Variants in NRXN3 observed in about 807,000 individuals in gnomAD.
NRXN3 encodes the protein neurexin 3.
NRXN3 carries 32 observed loss-of-function variants against 137.6 expected under a neutral mutation model. That is an observed-to-expected ratio of 0.23 (90% CI 0.18 to 0.31). The LOEUF (loss-of-function observed/expected upper bound fraction) is 0.31. Ranked by LOEUF, NRXN3 falls within the 10% of genes least tolerant of loss-of-function variation. The pLI is 1.00. For synonymous variants in NRXN3, 798 were observed against 784.5 expected, an observed-to-expected ratio of 1.02 and a Z score of -0.29; for missense variants, 1,574 against 2,062.5, an observed-to-expected ratio of 0.76 and a Z score of 4.59.
At chr14:78,917,715 GATAGACAA>G (rs2099259317) in intron 10 of NRXN3, among the ~76,000 whole-genome samples, 3 of 152,058 alleles carry the variant, frequency 2.0e-5, no homozygotes, top group Admixed American at 2.0e-4. Flanking sequence ...GTGCACAGGT[GATAGACAA>G]AACTGGGGGA....
At chr14:79,136,804 G>A (rs970135798) in intron 15 of NRXN3, among the ~76,000 whole-genome samples, 32 of 152,144 alleles carry the variant, frequency 2.1e-4, no homozygotes, top group Admixed American at 1.3e-3. Flanking sequence ...AGGCAAAAAC[G>A]AACACTGTAA....
At chr14:79,631,598 C>T (rs561564371) in intron 16 of NRXN3, among the ~76,000 whole-genome samples, 37 of 152,368 alleles carry the variant, frequency 2.4e-4, no homozygotes, top group East Asian at 1.5e-3. Flanking sequence ...CCGGAGTGCC[C>T]GTGCTAGGTT....
intron 15 of NRXN3, among the ~76,000 whole-genome samples, chr14:79,295,357 G>A (rs1341920321): frequency 6.6e-6 from 1 of 151,754 alleles, no homozygotes; most frequent in Non-Finnish European, 1.5e-5. Flanking sequence ...AGTCTAAAAA[G>A]CACTCTTTTT....
chr14:78,634,007 A>G (rs2097545691), intron 4 of NRXN3, among the ~76,000 whole-genome samples: 1 of 152,148 alleles, frequency 6.6e-6, no homozygotes, highest in Non-Finnish European at 1.5e-5. Flanking sequence ...CAGGCTTCTC[A>G]ATGGGGATTT....
intron 8 of NRXN3, among the ~76,000 whole-genome samples, chr14:78,749,196 A>T (rs1472595326): frequency 6.6e-6 from 1 of 152,166 alleles, no homozygotes; most frequent in Non-Finnish European, 1.5e-5. Flanking sequence ...GGGCCTCCTG[A>T]TGGATGGACA....
chr14:78,725,895 A>G (rs11846885), intron 8 of NRXN3, among the ~76,000 whole-genome samples: 23,605 of 152,226 alleles, frequency 0.16, 2,071 homozygotes, highest in South Asian at 0.28. Context: ...AATCTTTGCA[A>G]TAACTACATA....
At chr14:78,627,873 T>C (rs1436628910) in intron 4 of NRXN3, among the ~76,000 whole-genome samples, 2 of 152,174 alleles carry the variant, frequency 1.3e-5, no homozygotes, top group African/African-American at 2.4e-5. Context: ...TTCTTGGACA[T>C]GGCTATGAAA....
At chr14:79,670,907 C>G (rs758068835) in intron 17 of NRXN3, among the ~76,000 whole-genome samples, 1 of 152,078 alleles carries the variant, frequency 6.6e-6, no homozygotes, top group Non-Finnish European at 1.5e-5. Flanking sequence ...AAGAGATTTT[C>G]CATCTTGCTT....
At chr14:78,963,212 T>C (rs1396648341) in intron 11 of NRXN3, among the ~76,000 whole-genome samples, 1 of 152,108 alleles carries the variant, frequency 6.6e-6, no homozygotes, top group African/African-American at 2.4e-5. Context: ...GAGCAGAATA[T>C]CCCAACCCCT....
At chr14:79,200,580 C>T (rs1871488) in intron 15 of NRXN3, among the ~76,000 whole-genome samples, 117,013 of 152,048 alleles carry the variant, frequency 0.77, 46,351 homozygotes, top group Non-Finnish European at 0.87. Flanking sequence ...ACAGTCATCA[C>T]TTTGTCCGTA....
At chr14:79,234,294 AT>A (rs2072825641) in intron 15 of NRXN3, among the ~76,000 whole-genome samples, 4 of 792 alleles carry the variant, frequency 5.1e-3, no homozygotes, top group Admixed American at 0.01. Flanking sequence ...TCAATGGTAA[AT>A]ATATATATAT....
At chr14:78,891,909 A>G (rs2099160085) in intron 10 of NRXN3, among the ~76,000 whole-genome samples, 1 of 152,008 alleles carries the variant, frequency 6.6e-6, no homozygotes, top group African/African-American at 2.4e-5. Flanking sequence ...TTGAGTATCT[A>G]CTGAATATAA....
At chr14:78,733,406 A>G (rs2098526152) in intron 8 of NRXN3, among the ~76,000 whole-genome samples, 1 of 152,172 alleles carries the variant, frequency 6.6e-6, no homozygotes, top group South Asian at 2.1e-4. Flanking sequence ...TAACAGTCAA[A>G]CATTTCCTCT....
chr14:79,811,581 CTTT>C (rs370942970), intron 20 of NRXN3, among the ~76,000 whole-genome samples: 26 of 116,606 alleles, frequency 2.2e-4, no homozygotes, highest in Non-Finnish European at 8.7e-5. Flanking sequence ...TTTCTTTTTT[CTTT>C]TTTTTTTTTT....
At chr14:78,961,877 C>G (rs192008955) in intron 11 of NRXN3, among the ~76,000 whole-genome samples, 1 of 152,168 alleles carries the variant, frequency 6.6e-6, no homozygotes, top group Non-Finnish European at 1.5e-5. Context: ...GGTTTGTAGA[C>G]TGCTTGTTGG....
At chr14:79,811,581 C>CTTTTTT (rs370942970) in intron 20 of NRXN3, among the ~76,000 whole-genome samples, 41 of 116,598 alleles carry the variant, frequency 3.5e-4, no homozygotes, top group East Asian at 4.9e-4. Flanking sequence ...TTTCTTTTTT[C>CTTTTTT]TTTTTTTTTT....
chr14:78,332,502 G>C (rs2080953425), intron 4 of NRXN3, among the ~76,000 whole-genome samples: 2 of 151,972 alleles, frequency 1.3e-5, no homozygotes, highest in Non-Finnish European at 2.9e-5. Flanking sequence ...TTTTAGTAGA[G>C]ATGGGGTTTC....
intron 15 of NRXN3, among the ~76,000 whole-genome samples, chr14:79,101,633 C>G (rs977975769): frequency 7.9e-5 from 12 of 152,312 alleles, no homozygotes; most frequent in African/African-American, 2.9e-4. Context: ...TCTTCTCCAT[C>G]CTGTGTGCGG....
chr14:78,330,627 AT>A (rs1481319110), intron 4 of NRXN3, among the ~76,000 whole-genome samples: 5 of 152,174 alleles, frequency 3.3e-5, no homozygotes, highest in African/African-American at 1.2e-4. Flanking sequence ...GAAATAAGGT[AT>A]GCCATAGTGC....
Sources: gnomAD v4.1 joint callset for allele counts (sites outside exome capture counted in the v4.1 genomes callset) on GRCh38, gnomAD v4.1.1 for gene constraint, MANE v1.5 for transcripts, NCBI Gene and HGNC (gene_info 2026-07-23, HGNC 2026-07-21) for gene names.